MNDA: variants seen among roughly 807,000 people sequenced by gnomAD.
MNDA encodes myeloid cell nuclear differentiation antigen, also known as epididymis secretory sperm binding protein.
Under a neutral mutation model 37.8 loss-of-function variants are expected in MNDA, and 43 were observed. The ratio of observed to expected loss-of-function variants is 1.14; its 90% CI spans 0.89 to 1.47. The LOEUF (loss-of-function observed/expected upper bound fraction) is 1.47, where lower values mean the gene tolerates loss of function less well. Among genes scored for constraint, MNDA ranks in the 40% most tolerant of loss-of-function variants. The pLI is 0.00. For missense variants in MNDA, 536 were observed against 476.0 expected, an observed-to-expected ratio of 1.13 and a Z score of -1.17; for synonymous variants, 181 against 169.0, an observed-to-expected ratio of 1.07 and a Z score of -0.55.
At position 158,835,819 on chromosome 1, in the gene MNDA, T is replaced by A. The variant is rs370736809; in HGVS notation, c.-21+4262T>A. Among the ~76,000 whole-genome samples, 78 of 152,114 alleles carry A rather than the reference T, an allele frequency of 5.1e-4. No homozygotes were observed. The South Asian group carries it at 0.016, about 31-fold the overall frequency. ...TTTCTCCTATTCTTCGTTTACTGAG[T>A]GTTTCTAACATGAAAGGCTATTTAA... On this transcript the variant is annotated intron_variant, in intron 1 of 6. Transcript: ENST00000368141.
intron 3 of MNDA, 149 bp downstream of exon 3, chr1:158,843,564 G>T (rs762410439): frequency 3.0e-5 from 26 of 867,364 alleles, no homozygotes; most frequent in Non-Finnish European, 4.1e-5. Context: ...GTTAGGTATC[G>T]TAAAAATGTA....
intron 1 of MNDA, among the ~76,000 whole-genome samples, chr1:158,832,284 T>C (rs962973353): frequency 2.5e-4 from 38 of 152,026 alleles, no homozygotes; most frequent in African/African-American, 8.2e-4. Flanking sequence ...CATGAGTACT[T>C]GAGAAGAGTT....
rs903773787 is a variant in MNDA, at chr1:158,843,434, A to T, written c.402+19A>T. Reference sequence around the variant, plus strand: ...AGCTCAGGTAAGCTTGAGAAAGAGGAGCAGGACTGAAGCCTCACAGAAGAT... The same window carrying T: ...AGCTCAGGTAAGCTTGAGAAAGAGGTGCAGGACTGAAGCCTCACAGAAGAT... On this transcript the variant is annotated intron_variant, in intron 3 of 6. Transcript: ENST00000368141. The T allele has an allele frequency of 6.3e-7, 1 of 1,587,956 alleles. No homozygotes were observed. The highest frequency in any genetic ancestry group is 1.4e-5 in the African/African-American group (1 of 73,498).
Position 158,843,349 on chromosome 1 carries a change from G to C in MNDA, c.336G>C (p.Ala112=). 1 of 1,612,604 alleles carries C rather than the reference G, an allele frequency of 6.2e-7. No individual in the cohort carries two copies. Among genetic ancestry groups the C allele is most frequent in the Non-Finnish European group, 8.5e-7 (1 of 1,179,386 alleles). ...TAAACCAGGAAGAAGTGGGTCTTGC[G>C]GCACCTGCACCCACCGCAAGAAACA... ...KKINQEEVGL[A]APAPTARNKL... Residue 112 remains alanine, a synonymous_variant, in exon 3 of 7, where the codon GCG becomes GCC. Transcript: ENST00000368141.
In MNDA at chr1:158,842,162, T is replaced by A. The variant is rs905408372; in HGVS notation, c.9T>A (p.Asn3Lys). Residue 3 changes from asparagine (N) to lysine (K), a missense_variant, in exon 2 of 7, where the codon AAT becomes AAA. Transcript: ENST00000368141. MV[N>K]EYKKILLLKG... ...AAGCTATAACATCAGAAATGGTGAA[T>A]GAATACAAGAAAATTCTTTTGCTGA... The A allele has an allele frequency of 4.3e-6, 7 of 1,609,960 alleles. No homozygotes were observed. The highest frequency in any genetic ancestry group is 5.1e-6 in the Non-Finnish European group (6 of 1,178,104).
chr1:158,835,528 G>A lies in MNDA; in HGVS notation c.-21+3971G>A, dbSNP rs115698235. Among the ~76,000 whole-genome samples the A allele has an allele frequency of 4.4e-3, 656 of 147,874 alleles. 3 individuals carry two copies. Among genetic ancestry groups the A allele is most frequent in the African/African-American group, 0.015 (613 of 39,802 alleles). ...AATCTTTGGGACTTTCCACATATAA[G>A]ATCATATCACCAGTAAAGAGAGAGA... On this transcript the variant is annotated intron_variant, in intron 1 of 6. Transcript: ENST00000368141.
chr1:158,842,505 TC>T, intron 2 of MNDA, 87 bp downstream of exon 2: 1 of 1,404,752 alleles, frequency 7.1e-7, no homozygotes. Flanking sequence ...AGCTGGTACA[TC>T]CCTTTTCCAA....
At chr1:158,839,704 T>C (rs775716308) in intron 1 of MNDA, among the ~76,000 whole-genome samples, 6 of 152,202 alleles carry the variant, frequency 3.9e-5, no homozygotes, top group Non-Finnish European at 2.9e-5. Context: ...GGGAGAAAGT[T>C]AAACAGGGAC....
At position 158,849,388 on chromosome 1, in the gene MNDA, T is replaced by A; in HGVS notation, c.*151T>A. 1 of 547,650 alleles carries A rather than the reference T, an allele frequency of 1.8e-6. No homozygotes were observed. Among genetic ancestry groups the A allele is most frequent in the Non-Finnish European group, 3.0e-6 (1 of 332,284 alleles). 33.9% of individuals were successfully genotyped at this position (547,650 alleles called of 1,614,324 possible). Reference sequence around the variant, plus strand: ...AGAGCTTTTATAACTGAGTTATAGATTAGTTTGCTTTCTGGAATAAAATTT... The same window carrying A: ...AGAGCTTTTATAACTGAGTTATAGAATAGTTTGCTTTCTGGAATAAAATTT... On this transcript the variant is annotated 3_prime_UTR_variant, in exon 7 of 7. Transcript: ENST00000368141.
At chr1:158,847,549 GA>G (rs971453650) in intron 5 of MNDA, among the ~76,000 whole-genome samples, 178 bp from the exon 6 acceptor site, 19 of 150,408 alleles carry the variant, frequency 1.3e-4, no homozygotes, top group East Asian at 5.8e-4. Context: ...CCTTAAGCAG[GA>G]AAAAAAAATG....
chr1:158,839,359 C>G (rs1658985533), intron 1 of MNDA, among the ~76,000 whole-genome samples: 1 of 152,104 alleles, frequency 6.6e-6, no homozygotes, highest in Non-Finnish European at 1.5e-5. Flanking sequence ...CTGTAATTTC[C>G]CTAAGAGCCA....
Position 158,848,233 on chromosome 1 carries a change from G to A in MNDA, c.1176+317G>A, listed in dbSNP as rs150013512. ...TGAATCCTGGATTTAAGAAGCACTA[G>A]TTGGCTGATATTGGGGAAACAGTTT... On this transcript the variant is annotated intron_variant, in intron 6 of 6. Coordinates refer to ENST00000368141, the MANE Select transcript of MNDA (RefSeq NM_002432.3). 1.7e-3 allele frequency among the ~76,000 whole-genome samples: 264 copies of A among 152,324 alleles called. 1 individual carries two copies. The highest frequency in any genetic ancestry group is 5.9e-3 in the African/African-American group (244 of 41,566).
chr1:158,848,026 A>G, intron 6 of MNDA, 110 bp downstream of exon 6: 1 of 980,108 alleles, frequency 1.0e-6, no homozygotes, highest in South Asian at 1.6e-5. Flanking sequence ...AGCGAGTGGA[A>G]GGAGAACCTA....
chr1:158,845,072 T>C (rs857871), intron 4 of MNDA, among the ~76,000 whole-genome samples: 79,102 of 152,054 alleles, frequency 0.52, 21,335 homozygotes, highest in East Asian at 0.68. Context: ...AGCTAAACTT[T>C]ACCAGCTCAT....
At chr1:158,837,579 C>G (rs752930283) in intron 1 of MNDA, among the ~76,000 whole-genome samples, 1 of 151,660 alleles carries the variant, frequency 6.6e-6, no homozygotes, top group Non-Finnish European at 1.5e-5. Flanking sequence ...CACTTTCTAT[C>G]TTTGTCCTTA....
chr1:158,847,704 C>T (rs768733060), intron 5 of MNDA, 24 bp from the exon 6 acceptor site: 4 of 1,594,466 alleles, frequency 2.5e-6, no homozygotes, highest in African/African-American at 2.7e-5. Flanking sequence ...CTCTCAGAAA[C>T]AGGATGTTAA....
chr1:158,833,719 A>C (rs1458352305), intron 1 of MNDA, among the ~76,000 whole-genome samples: 1 of 152,206 alleles, frequency 6.6e-6, no homozygotes, highest in South Asian at 2.1e-4. Flanking sequence ...TAAAATACGT[A>C]AGAAACCATA....
In MNDA at chr1:158,845,667, G is replaced by C. The variant is rs1384061440; in HGVS notation, c.651G>C (p.Leu217=). The C allele has an allele frequency of 4.3e-6, 7 of 1,614,026 alleles. No homozygotes were observed. Among genetic ancestry groups the C allele is most frequent in the Non-Finnish European group, 5.9e-6 (7 of 1,179,988 alleles). ...PQNDPVTVVV[L]KATAPFKYES... ...ACGACCCAGTGACAGTGGTGGTACT[G>C]AAAGCAACAGCGCCATTTAAATACG... The change falls in exon 5 of 7, where the codon CTG becomes CTC. Residue 217 remains leucine (L), a synonymous_variant. Transcript: ENST00000368141.
In MNDA at chr1:158,843,364, C is replaced by A. The variant is rs375325126; in HGVS notation, c.351C>A (p.Thr117=). 6.2e-7 allele frequency: 1 copy of A among 1,612,092 alleles called. No homozygotes were observed. The change falls in exon 3 of 7, where the codon ACC becomes ACA. Residue 117 remains threonine, a synonymous_variant. Transcript: ENST00000368141. The part of the protein sequence containing the change: ...EEVGLAAPAP[T]ARNKLTSEAR... Reference sequence around the variant, plus strand: ...TGGGTCTTGCGGCACCTGCACCCACCGCAAGAAACAAACTGACATCGGAAG... The same window carrying A: ...TGGGTCTTGCGGCACCTGCACCCACAGCAAGAAACAAACTGACATCGGAAG...
Sources: allele counts gnomAD v4.1 joint callset (sites outside exome capture counted in the v4.1 genomes callset), GRCh38; gene constraint gnomAD v4.1.1; transcripts MANE v1.5; gene names NCBI Gene and HGNC (gene_info 2026-07-23, HGNC 2026-07-21).